The following ADAM10 variants were observed in gnomAD, a reference collection of about 807,000 sequenced individuals.
ADAM10 encodes the protein disintegrin and metalloproteinase domain-containing protein 10.
In ADAM10, 17 loss-of-function variants were observed where a neutral mutation model predicts 90.1. The ratio of observed to expected loss-of-function variants is 0.19; its 90% CI spans 0.13 to 0.28. ADAM10 has a LOEUF of 0.28. Among genes scored for constraint, ADAM10 ranks in the 10% least tolerant of loss-of-function variants. The pLI, the probability that ADAM10 is intolerant of heterozygous loss-of-function variation, is 1.00. For missense variants in ADAM10, 610 were observed against 914.3 expected, an observed-to-expected ratio of 0.67 and a Z score of 4.29; for synonymous variants, 310 against 298.6, an observed-to-expected ratio of 1.04 and a Z score of -0.40.
chr15:58,604,330 C>A (rs1895204589), intron 14 of ADAM10, among the ~76,000 whole-genome samples: 1 of 152,172 alleles, frequency 6.6e-6, no homozygotes, highest in Admixed American at 6.5e-5. Context: ...CACTGCACTC[C>A]AGCCTAGGTG....
intron 1 of ADAM10, chr15:58,749,129 A>G: frequency 2.5e-6 from 1 of 397,722 alleles, no homozygotes; most frequent in East Asian, 3.6e-5. Context: ...CCCGCCGAGC[A>G]GACTGGAGGG....
At chr15:58,627,075 G>A (rs1895969586) in intron 10 of ADAM10, among the ~76,000 whole-genome samples, 2 of 152,012 alleles carry the variant, frequency 1.3e-5, no homozygotes, top group African/African-American at 4.8e-5. Flanking sequence ...GTACAAACTA[G>A]GACATATTCA....
At chr15:58,732,262 G>A (rs1341698198) in intron 1 of ADAM10, 1 of 152,352 alleles carries the variant, frequency 6.6e-6, no homozygotes, top group African/African-American at 2.4e-5. Flanking sequence ...AGCCTTAGGA[G>A]TGTGGTGAAT....
intron 4 of ADAM10, chr15:58,676,003 C>A: frequency 5.6e-6 from 1 of 179,778 alleles, no homozygotes; most frequent in Non-Finnish European, 1.2e-5. Context: ...GTACTTAAAC[C>A]AATTATATAA....
chr15:58,703,551 G>A (rs1315962477), intron 2 of ADAM10, among the ~76,000 whole-genome samples: 2 of 152,128 alleles, frequency 1.3e-5, no homozygotes, highest in Admixed American at 1.3e-4. Context: ...GCTACAACAT[G>A]GATGAACCCT....
At chr15:58,635,975 C>T (rs1428077314) in intron 8 of ADAM10, among the ~76,000 whole-genome samples, 2 of 152,024 alleles carry the variant, frequency 1.3e-5, no homozygotes, top group African/African-American at 4.8e-5. Flanking sequence ...ATGATTATCG[C>T]TTATATGAAA....
At chr15:58,692,028 G>T in intron 2 of ADAM10, 1 of 464,056 alleles carries the variant, frequency 2.2e-6, no homozygotes, top group South Asian at 1.5e-5. Flanking sequence ...TGCTCTGCTG[G>T]AGCATTTCCC....
chr15:58,723,469 G>T (rs188373619), intron 1 of ADAM10, among the ~76,000 whole-genome samples: 1 of 152,108 alleles, frequency 6.6e-6, no homozygotes, highest in African/African-American at 2.4e-5. Flanking sequence ...TAGATCACCT[G>T]AGGTCAGGAG....
At chr15:58,625,017 A>C (rs1895896251) in intron 10 of ADAM10, among the ~76,000 whole-genome samples, 1 of 152,192 alleles carries the variant, frequency 6.6e-6, no homozygotes, top group African/African-American at 2.4e-5. Flanking sequence ...CTGTACATTA[A>C]GAAGCATTAG....
At chr15:58,738,585 T>C (rs1441246609) in intron 1 of ADAM10, among the ~76,000 whole-genome samples, 1 of 152,218 alleles carries the variant, frequency 6.6e-6, no homozygotes, top group African/African-American at 2.4e-5. Flanking sequence ...TACCCACTTT[T>C]TGAAATCAGC....
At chr15:58,636,400 T>A (rs1896252924) in intron 8 of ADAM10, among the ~76,000 whole-genome samples, 1 of 152,232 alleles carries the variant, frequency 6.6e-6, no homozygotes, top group Admixed American at 6.5e-5. Context: ...TTAATTTTTT[T>A]AAATACTGCA....
At chr15:58,612,802 C>T (rs901922554) in intron 11 of ADAM10, among the ~76,000 whole-genome samples, 5 of 152,186 alleles carry the variant, frequency 3.3e-5, no homozygotes, top group African/African-American at 4.8e-5. Flanking sequence ...CAGACTGGCC[C>T]GCTGGGCCCA....
rs1363729427 is a variant in ADAM10 at position 58,717,721 on chromosome 15, T to A, written c.62A>T (p.Tyr21Phe). The change falls in exon 2 of 16, where the codon TAT (tyrosine) becomes TTT (phenylalanine). Residue 21 changes from tyrosine to phenylalanine, a missense_variant. This residue lies in a region of ADAM10 where 310 missense variants were observed against 362.4 expected (regional missense o/e 0.86). Transcript: ENST00000260408. ...GATATATTTATTTAAAGGATTCCCA[T>A]ACTGACCTATAAAAAAAAAACAACA... ...LSWAAGMGGQ[Y>F]GNPLNKYIRH... 1.2e-6 allele frequency: 2 copies of A among 1,611,358 alleles called. No homozygotes were observed. Among genetic ancestry groups the A allele is most frequent in the Non-Finnish European group, 1.7e-6 (2 of 1,179,186 alleles).
chr15:58,644,214 G>T (rs1160966403), intron 6 of ADAM10, among the ~76,000 whole-genome samples: 5 of 144,502 alleles, frequency 3.5e-5, no homozygotes, highest in Non-Finnish European at 6.1e-5. Flanking sequence ...CTTCTTTGCG[G>T]TTTTTTTTTT....
chr15:58,737,538 C>T (rs1462982754), intron 1 of ADAM10, among the ~76,000 whole-genome samples: 7 of 152,146 alleles, frequency 4.6e-5, no homozygotes, highest in African/African-American at 1.7e-4. Context: ...AAGTAACCCT[C>T]CCTGATCCTC....
In ADAM10 at chr15:58,640,811, G is replaced by A. The variant is rs772080878; in HGVS notation, c.978C>T (p.Gly326=). ...CTCCAACCCAAGCCAGACCAAGTACGCCATCATCAAAATCTCGGTCTGTGA... is the reference window on the plus strand; with the variant it reads ...CTCCAACCCAAGCCAGACCAAGTACACCATCATCAAAATCTCGGTCTGTGA... The part of the protein sequence containing the change: ...YVFTDRDFDD[G]VLGLAWVGAP... The change falls in exon 8 of 16, where the codon GGC becomes GGT. Residue 326 remains glycine, a synonymous_variant. Transcript: ENST00000260408. The A allele has an allele frequency of 8.1e-6, 13 of 1,613,862 alleles. No individual in the cohort carries two copies. Among genetic ancestry groups the A allele is most frequent in the East Asian group, 6.7e-5 (3 of 44,878 alleles).
chr15:58,597,747 C>T (rs1054438505), intron 15 of ADAM10, 106 bp from the exon 16 acceptor site: 2 of 1,192,560 alleles, frequency 1.7e-6, no homozygotes, highest in Non-Finnish European at 2.4e-6. Flanking sequence ...TCAGTGCTGT[C>T]CAATAATATG....
At chr15:58,644,021 T>C in intron 6 of ADAM10, 43 bp from the exon 7 acceptor site, 2 of 1,391,110 alleles carry the variant, frequency 1.4e-6, no homozygotes, top group African/African-American at 2.8e-5. Context: ...AATGTTGAAA[T>C]ATGAAAAAGA....
chr15:58,724,702 T>C (rs1898971148), intron 1 of ADAM10, among the ~76,000 whole-genome samples: 1 of 152,210 alleles, frequency 6.6e-6, no homozygotes, highest in Non-Finnish European at 1.5e-5. Context: ...GGCTGACTAC[T>C]GATCTAAGCA....
Sources: allele counts gnomAD v4.1 joint callset (sites outside exome capture counted in the v4.1 genomes callset), GRCh38; gene constraint gnomAD v4.1.1; regional missense constraint gnomAD v4.1.1; transcripts MANE v1.5; gene names NCBI Gene and HGNC (gene_info 2026-07-23, HGNC 2026-07-21).